Variants in SEMA3D observed in about 807,000 individuals in gnomAD.
The protein encoded by SEMA3D is semaphorin 3D.
Under a neutral mutation model 100.1 loss-of-function variants are expected in SEMA3D, and 84 were observed. That is an observed-to-expected ratio of 0.84 (90% CI 0.70 to 1.01). SEMA3D has a LOEUF of 1.01. SEMA3D is among the 50% of genes least tolerant of loss of function. The pLI is 0.00. For synonymous variants in SEMA3D, 312 were observed against 320.7 expected, an observed-to-expected ratio of 0.97 and a Z score of 0.29; for missense variants, 875 against 934.1, an observed-to-expected ratio of 0.94 and a Z score of 0.82.
Position 85,065,469 on chromosome 7 carries a change from G to T in SEMA3D, c.673C>A (p.His225Asn), listed in dbSNP as rs753755500. 4.3e-6 allele frequency: 7 copies of T among 1,613,100 alleles called. No individual in the cohort carries two copies. The highest frequency in any genetic ancestry group is 5.9e-6 in the Non-Finnish European group (7 of 1,179,394). The part of the protein sequence containing the change: ...FTRSLGPTHD[H>N]HYIRTDISEH... ...GAAATGTCAGTTCTGATGTAGTGGTGGTCATGAGTAGGCCCAAGGGATCGA... is the reference window on the plus strand; with the variant it reads ...GAAATGTCAGTTCTGATGTAGTGGTTGTCATGAGTAGGCCCAAGGGATCGA... Residue 225 changes from histidine (H) to asparagine (N), a missense_variant, in exon 8 of 19, where the codon CAC becomes AAC. By Grantham distance (68) the His-to-Asn change is moderately conservative. Transcript: ENST00000284136.
chr7:85,081,334 A>G (rs1424787681), intron 5 of SEMA3D, among the ~76,000 whole-genome samples, 183 bp downstream of exon 5: 1 of 152,192 alleles, frequency 6.6e-6, no homozygotes, highest in Admixed American at 6.5e-5. Flanking sequence ...AATTTTATAA[A>G]TAATATCATG....
chr7:85,086,924 T>C (rs1325791509), intron 4 of SEMA3D, among the ~76,000 whole-genome samples: 1 of 152,144 alleles, frequency 6.6e-6, no homozygotes, highest in Non-Finnish European at 1.5e-5. Flanking sequence ...TAGTTAAAAA[T>C]ATAATGTCCA....
intron 14 of SEMA3D, among the ~76,000 whole-genome samples, chr7:85,018,768 T>A (rs879936089): frequency 1.3e-5 from 2 of 151,794 alleles, no homozygotes; most frequent in Admixed American, 6.6e-5. Flanking sequence ...TACGGAACAC[T>A]ACACAATACT....
chr7:85,027,316 C>T (rs959356549), intron 12 of SEMA3D, among the ~76,000 whole-genome samples: 8 of 151,904 alleles, frequency 5.3e-5, no homozygotes, highest in African/African-American at 1.9e-4. Flanking sequence ...CACATCTACA[C>T]GTATATCTCA....
intron 4 of SEMA3D, among the ~76,000 whole-genome samples, chr7:85,092,781 A>G (rs1031347616): frequency 1.4e-4 from 21 of 152,078 alleles, no homozygotes; most frequent in Admixed American, 3.9e-4. Flanking sequence ...GAAAACTTAT[A>G]TGTTTTCAAC....
At chr7:85,053,130 A>G (rs542508443) in intron 9 of SEMA3D, among the ~76,000 whole-genome samples, 1 of 152,138 alleles carries the variant, frequency 6.6e-6, no homozygotes, top group African/African-American at 2.4e-5. Context: ...TAACAGCAAG[A>G]ACAACAAAAC....
chr7:85,025,792 T>A (rs2115874131), intron 12 of SEMA3D, among the ~76,000 whole-genome samples: 1 of 152,058 alleles, frequency 6.6e-6, no homozygotes, highest in South Asian at 2.1e-4. Context: ...CTACAACAGA[T>A]AAAGGCAAGG....
intron 8 of SEMA3D, among the ~76,000 whole-genome samples, chr7:85,058,747 CAAA>C (rs67267318): frequency 5.1e-4 from 33 of 64,270 alleles, no homozygotes; most frequent in African/African-American, 1.5e-3. Context: ...GACTCCACTA[CAAA>C]AAAAAAAAAA....
intron 9 of SEMA3D, among the ~76,000 whole-genome samples, chr7:85,048,041 G>A (rs1791057471): frequency 6.6e-6 from 1 of 151,658 alleles, no homozygotes; most frequent in African/African-American, 2.4e-5. Flanking sequence ...AAATACTACA[G>A]TATTATAAAT....
the SEMA3D span, among the ~76,000 whole-genome samples, chr7:85,215,960 G>GTTGTCTGT: frequency 6.6e-6 from 1 of 151,954 alleles, no homozygotes; most frequent in Admixed American, 6.6e-5. Flanking sequence ...GCACTTTTAA[G>GTTGTCTGT]GTTCTTTTTC....
chr7:85,225,109 T>C, the SEMA3D span, among the ~76,000 whole-genome samples: 2,953 of 19,348 alleles, frequency 0.15, 329 homozygotes, highest in East Asian at 0.61. Context: ...TATATATACA[T>C]ACATATATAC....
intron 3 of SEMA3D, among the ~76,000 whole-genome samples, chr7:85,111,003 C>A (rs1789077664): frequency 6.6e-6 from 1 of 152,030 alleles, no homozygotes; most frequent in Admixed American, 6.6e-5. Context: ...TATTAGCTGA[C>A]TTTGACACCA....
chr7:85,071,918 G>A (rs936836258), intron 6 of SEMA3D, among the ~76,000 whole-genome samples: 1 of 152,208 alleles, frequency 6.6e-6, no homozygotes, highest in Non-Finnish European at 1.5e-5. Context: ...ACAACTGGGG[G>A]CACTTGTCCT....
intron 8 of SEMA3D, among the ~76,000 whole-genome samples, chr7:85,059,182 T>A (rs1791407430): frequency 6.6e-6 from 1 of 152,194 alleles, no homozygotes; most frequent in African/African-American, 2.4e-5. Context: ...CTAGCTGAAC[T>A]GCCATGTGTA....
chr7:85,047,132 T>A (rs1214865259), intron 9 of SEMA3D, among the ~76,000 whole-genome samples: 1 of 151,798 alleles, frequency 6.6e-6, no homozygotes, highest in Admixed American at 6.6e-5. Flanking sequence ...TTGCAGTATT[T>A]CTTAATTTAA....
chr7:85,176,801 G>C (rs547395557), intron 1 of SEMA3D, among the ~76,000 whole-genome samples: 4 of 148,492 alleles, frequency 2.7e-5, no homozygotes, highest in African/African-American at 9.7e-5. Flanking sequence ...TATAGAGAGA[G>C]AGAGAGAGAG....
intron 9 of SEMA3D, among the ~76,000 whole-genome samples, chr7:85,048,564 C>T (rs911895039): frequency 6.6e-6 from 1 of 151,752 alleles, no homozygotes; most frequent in Non-Finnish European, 1.5e-5. Context: ...ATTAAGTGAA[C>T]TAATGGAAGA....
chr7:85,066,890 G>A (rs1488069158), intron 7 of SEMA3D, among the ~76,000 whole-genome samples: 6 of 100,706 alleles, frequency 6.0e-5, no homozygotes, highest in African/African-American at 2.5e-4. Flanking sequence ...GGAAATGTGC[G>A]CTCACACACA....
At chr7:85,186,352 C>T (rs1791549737) in intron 1 of SEMA3D, among the ~76,000 whole-genome samples, 1 of 152,166 alleles carries the variant, frequency 6.6e-6, no homozygotes, top group Admixed American at 6.5e-5. Context: ...GAGCAAAGTT[C>T]CTGGACGCGT....
Sources: gnomAD v4.1 joint callset for allele counts (sites outside exome capture counted in the v4.1 genomes callset) on GRCh38, gnomAD v4.1.1 for gene constraint, MANE v1.5 for transcripts, NCBI Gene and HGNC (gene_info 2026-07-23, HGNC 2026-07-21) for gene names.